The following ROBO1 variants were observed in gnomAD, a reference collection of about 807,000 sequenced individuals.
ROBO1 encodes the protein roundabout homolog 1.
Under a neutral mutation model 195.9 loss-of-function variants are expected in ROBO1, and 149 were observed. That is an observed-to-expected ratio of 0.76 (90% confidence interval 0.67 to 0.87). ROBO1 has a LOEUF of 0.87. Ranked by LOEUF, ROBO1 falls within the 40% of genes least tolerant of loss-of-function variation. The probability of loss-of-function intolerance (pLI) is 0.00; values close to 1 mark genes in which losing one functional copy is unlikely to be tolerated. For missense variants in ROBO1, 1,933 were observed against 2,068.3 expected, an observed-to-expected ratio of 0.93 and a Z score of 1.27; for synonymous variants, 816 against 733.2, an observed-to-expected ratio of 1.11 and a Z score of -1.82.
Position 79,136,937 on chromosome 3 carries a change from C to A in ROBO1, c.89-11398G>T, listed in dbSNP as rs551718575. On this transcript the variant is annotated intron_variant, in intron 2 of 30. Coordinates refer to ENST00000464233, the MANE Select transcript of ROBO1 (RefSeq NM_002941.4). ...TACAATAGCTGAAGAAATCTATGTA[C>A]TGTAGAACATTAGAGATAATATGTA... 1.5e-3 allele frequency among the ~76,000 whole-genome samples: 221 copies of A among 152,072 alleles called. 1 individual carries two copies. Among genetic ancestry groups the A allele is most frequent in the Middle Eastern group, 3.4e-3 (1 of 294 alleles).
At chr3:79,393,224 T>C (rs1248671844) in intron 2 of ROBO1, among the ~76,000 whole-genome samples, 4 of 152,194 alleles carry the variant, frequency 2.6e-5, no homozygotes, top group Admixed American at 6.5e-5. Context: ...AATGCTGGTG[T>C]AGAACAATAT....
chr3:79,756,550 C>CAAAAAAAAAAAAAAAAAAA (rs147939503), intron 1 of ROBO1, among the ~76,000 whole-genome samples: 1 of 106,404 alleles, frequency 9.4e-6, no homozygotes. Context: ...AGCACCATCT[C>CAAAAAAAAAAAAAAAAAAA]AAAAAAAAAA....
chr3:79,735,686 G>C (rs1002567239), intron 1 of ROBO1, among the ~76,000 whole-genome samples: 1 of 151,930 alleles, frequency 6.6e-6, no homozygotes, highest in African/African-American at 2.4e-5. Flanking sequence ...CTGGCTAACA[G>C]GGTGAAACCC....
At chr3:78,793,689 A>C (rs1483906831) in intron 4 of ROBO1, among the ~76,000 whole-genome samples, 1 of 152,174 alleles carries the variant, frequency 6.6e-6, no homozygotes, top group African/African-American at 2.4e-5. Context: ...ACAAATGCTA[A>C]AGATATGCTA....
intron 2 of ROBO1, among the ~76,000 whole-genome samples, chr3:79,524,383 C>G (rs1941343255): frequency 6.6e-6 from 1 of 151,762 alleles, no homozygotes; most frequent in Non-Finnish European, 1.5e-5. Flanking sequence ...TTTTGGTAAG[C>G]CTTAGATTAA....
At chr3:79,365,572 TTC>T (rs2109318386) in intron 2 of ROBO1, among the ~76,000 whole-genome samples, 1 of 152,232 alleles carries the variant, frequency 6.6e-6, no homozygotes, top group African/African-American at 2.4e-5. Flanking sequence ...GCAGCTGCAC[TTC>T]TATTTTTAAC....
chr3:79,162,223 C>T (rs1267358010), intron 2 of ROBO1, among the ~76,000 whole-genome samples: 1 of 152,004 alleles, frequency 6.6e-6, no homozygotes, highest in Non-Finnish European at 1.5e-5. Flanking sequence ...AGATGCCACA[C>T]AGGATCCCAG....
chr3:78,627,954 C>CT (rs11445603), intron 25 of ROBO1, among the ~76,000 whole-genome samples: 73,206 of 143,210 alleles, frequency 0.51, 18,775 homozygotes, highest in East Asian at 0.65. Flanking sequence ...AAAAATTACT[C>CT]TTTTTTTTTT....
chr3:79,466,121 A>G (rs1410829094), intron 2 of ROBO1, among the ~76,000 whole-genome samples: 1 of 152,120 alleles, frequency 6.6e-6, no homozygotes. Context: ...CTCTGTGACC[A>G]AAAGATTGTC....
intron 2 of ROBO1, among the ~76,000 whole-genome samples, chr3:79,391,479 A>G (rs1028095510): frequency 6.6e-6 from 1 of 152,128 alleles, no homozygotes; most frequent in Non-Finnish European, 1.5e-5. Context: ...TCCTAATTCA[A>G]TTATAAAGTA....
At chr3:79,416,419 C>A (rs1231361175) in intron 2 of ROBO1, among the ~76,000 whole-genome samples, 1 of 148,020 alleles carries the variant, frequency 6.8e-6, no homozygotes, top group East Asian at 2.0e-4. Context: ...GCCTGGGCAA[C>A]ATAGTAAAAC....
intron 2 of ROBO1, among the ~76,000 whole-genome samples, chr3:79,190,345 A>T (rs958113753): frequency 8.2e-4 from 125 of 151,712 alleles, no homozygotes; most frequent in African/African-American, 2.9e-3. Flanking sequence ...GGATGTGGCT[A>T]GTATAGAGAA....
intron 2 of ROBO1, among the ~76,000 whole-genome samples, chr3:79,290,932 C>A (rs1014505772): frequency 6.6e-6 from 1 of 152,134 alleles, no homozygotes; most frequent in Non-Finnish European, 1.5e-5. Flanking sequence ...TATATTTTCT[C>A]CTTACACTAT....
chr3:78,924,690 A>T (rs1187882965), intron 4 of ROBO1, among the ~76,000 whole-genome samples: 1 of 151,790 alleles, frequency 6.6e-6, no homozygotes, highest in African/African-American at 2.4e-5. Flanking sequence ...TACCTCCCCT[A>T]AGTAGCATTA....
intron 28 of ROBO1, among the ~76,000 whole-genome samples, chr3:78,610,627 A>T (rs183817120): frequency 2.2e-4 from 33 of 152,262 alleles, no homozygotes; most frequent in Admixed American, 2.1e-3. Context: ...GATGACTACC[A>T]CTATCTTAAC....
chr3:78,604,362 C>A (rs1416890094), intron 29 of ROBO1, among the ~76,000 whole-genome samples: 1 of 152,190 alleles, frequency 6.6e-6, no homozygotes, highest in East Asian at 1.9e-4. Context: ...AGCCACCACA[C>A]CCAGCCAACT....
At chr3:79,339,635 G>GCACT (rs2109217288) in intron 2 of ROBO1, among the ~76,000 whole-genome samples, 1 of 152,022 alleles carries the variant, frequency 6.6e-6, no homozygotes, top group Admixed American at 6.6e-5. Context: ...TACTTCCTTA[G>GCACT]CACTCATCAA....
chr3:79,260,756 T>C lies in ROBO1; in HGVS notation c.89-135217A>G, dbSNP rs75128320. On this transcript the variant is annotated intron_variant, in intron 2 of 30. Transcript: ENST00000464233. ...AATTGTAAATAGTATTAATGAAAAGTTTTAGAGAACTTCTGATGGGAGCAA... is the reference window on the plus strand; with the variant it reads ...AATTGTAAATAGTATTAATGAAAAGCTTTAGAGAACTTCTGATGGGAGCAA... Among the ~76,000 whole-genome samples the C allele has an allele frequency of 2.5e-3, 386 of 152,204 alleles. 12 individuals carry two copies. In the East Asian group the frequency reaches 0.071, roughly 28 times the overall value.
At chr3:79,536,895 A>G (rs1022813754) in intron 2 of ROBO1, among the ~76,000 whole-genome samples, 40 of 152,288 alleles carry the variant, frequency 2.6e-4, no homozygotes, top group African/African-American at 9.6e-4. Flanking sequence ...TCCAATGTGT[A>G]GTAAAGAAGA....
Sources: allele counts gnomAD v4.1 joint callset (sites outside exome capture counted in the v4.1 genomes callset), GRCh38; gene constraint gnomAD v4.1.1; transcripts MANE v1.5; gene names NCBI Gene and HGNC (gene_info 2026-07-23, HGNC 2026-07-21).